DEPDC5: variants seen among roughly 807,000 people sequenced by gnomAD.
DEPDC5 encodes the protein DEP domain containing 5, GATOR1 subcomplex subunit, also known as GATOR1 complex protein DEPDC5.
A neutral mutation model predicts 217.3 loss-of-function variants in DEPDC5; 73 were observed. The observed-to-expected ratio is 0.34, with a 90% CI of 0.28 to 0.41. The LOEUF (loss-of-function observed/expected upper bound fraction) is 0.41. Among genes scored for constraint, DEPDC5 ranks in the 10% least tolerant of loss-of-function variants. The pLI is 1.00. For missense variants in DEPDC5, 1,675 were observed against 2,070.1 expected (o/e 0.81, Z 3.70); for synonymous variants, 733 against 756.7 (o/e 0.97, Z 0.51).
At chr22:31,779,882 G>A (rs922100647) in intron 8 of DEPDC5, among the ~76,000 whole-genome samples, 56 of 152,206 alleles carry the variant, frequency 3.7e-4, no homozygotes, top group South Asian at 1.9e-3. Context: ...GAGGAGAGAG[G>A]AAGGGAAGAG....
chr22:31,789,184 T>C (rs1183050969), intron 10 of DEPDC5, among the ~76,000 whole-genome samples: 1 of 152,250 alleles, frequency 6.6e-6, no homozygotes, highest in African/African-American at 2.4e-5. Context: ...GCCTAGCCCG[T>C]ATTCTTGACA....
At position 31,873,789 on chromosome 22, in the gene DEPDC5, C is replaced by CTT. The variant is rs796650383; in HGVS notation, c.3564-464_3564-463dup. Reference sequence around the variant, plus strand: ...TCCTTTTTCCCCATAACAACTTCTTCTTTTTTTTTTTTTTTTTTTTTGAGA... The same window carrying CTT: ...TCCTTTTTCCCCATAACAACTTCTTCTTTTTTTTTTTTTTTTTTTTTTTGAGA... On this transcript the variant is annotated intron_variant, in intron 35 of 42. Coordinates refer to ENST00000651528, the MANE Select transcript of DEPDC5 (RefSeq NM_001242896.3). 522 of 114,680 alleles carry CTT rather than the reference C, an allele frequency of 4.6e-3. 7 individuals carry two copies. The highest frequency in any genetic ancestry group is 6.5e-3 in the African/African-American group (195 of 29,976). 7.1% of individuals were successfully genotyped at this position (114,680 alleles called of 1,614,324 possible).
At position 31,893,536 on chromosome 22, in the gene DEPDC5, A is replaced by G; in HGVS notation, c.4034-46A>G. On this transcript the variant is annotated intron_variant, in intron 38 of 42. Transcript: ENST00000651528. ...TTAGTTATTTGTTCTTCTTCATCCC[A>G]CTCCTTTTCTCACTCTCTTGGGGCC... 2.7e-6 allele frequency: 4 copies of G among 1,461,196 alleles called. No homozygotes were observed. In the South Asian group the frequency reaches 4.4e-5, roughly 16 times the overall value. The allele number at this position is 1,461,196 out of a possible 1,614,324, so 90.5% of individuals were successfully genotyped here.
chr22:31,776,135 A>G (rs988470873), intron 7 of DEPDC5, among the ~76,000 whole-genome samples: 3 of 150,520 alleles, frequency 2.0e-5, no homozygotes, highest in South Asian at 2.1e-4. Flanking sequence ...GTTTTTTGCA[A>G]TAGTCTCACT....
Position 31,857,519 on chromosome 22 carries a change from C to A in DEPDC5, c.3230C>A (p.Ala1077Asp). The A allele has an allele frequency of 6.2e-7, 1 of 1,611,958 alleles. No homozygotes were observed. The highest frequency in any genetic ancestry group is 8.5e-7 in the Non-Finnish European group (1 of 1,179,150). Residue 1077 changes from alanine to aspartate, a missense_variant, in exon 32 of 43, where the codon GCC becomes GAC. Ala to Asp is a moderately radical substitution (Grantham distance 126, BLOSUM62 -2). Coordinates refer to ENST00000651528, the MANE Select transcript of DEPDC5 (RefSeq NM_001242896.3). Reference sequence around the variant, plus strand: ...CAGTCAGCCGAGAGCAGCAGCGTTGCCATGACTCCCACCTACATGGACAGC... The same window carrying A: ...CAGTCAGCCGAGAGCAGCAGCGTTGACATGACTCCCACCTACATGGACAGC... ...SAQSAESSSV[A>D]MTPTYMDSPR...
At chr22:31,799,799 CTTTTT>C (rs1158355451) in intron 14 of DEPDC5, among the ~76,000 whole-genome samples, 1 of 72,924 alleles carries the variant, frequency 1.4e-5, no homozygotes, top group African/African-American at 7.4e-5. Flanking sequence ...CATGCCCGGC[CTTTTT>C]TTTTTTTTTT....
chr22:31,762,816 T>C (rs1396386488), intron 4 of DEPDC5, among the ~76,000 whole-genome samples: 1 of 151,978 alleles, frequency 6.6e-6, no homozygotes, highest in East Asian at 1.9e-4. Flanking sequence ...ACTCTTTCTT[T>C]TTTTTTAAAG....
intron 25 of DEPDC5, among the ~76,000 whole-genome samples, chr22:31,835,253 T>C (rs1184067741): frequency 6.6e-6 from 1 of 152,226 alleles, no homozygotes; most frequent in African/African-American, 2.4e-5. Flanking sequence ...TCCAGAAAGC[T>C]ACCAGCAGTG....
intron 33 of DEPDC5, among the ~76,000 whole-genome samples, chr22:31,861,976 C>T (rs1444082998): frequency 6.6e-6 from 1 of 152,212 alleles, no homozygotes; most frequent in Non-Finnish European, 1.5e-5. Context: ...CGGTGGCTCA[C>T]GCCTGTAATC....
chr22:31,791,169 TC>T (rs1406318188), intron 10 of DEPDC5, among the ~76,000 whole-genome samples: 1 of 152,148 alleles, frequency 6.6e-6, no homozygotes, highest in African/African-American at 2.4e-5. Context: ...AGTTTTCCAA[TC>T]ACTTTCCACA....
At chr22:31,851,066 CA>C (rs136861) in intron 31 of DEPDC5, among the ~76,000 whole-genome samples, 75,311 of 115,318 alleles carry the variant, frequency 0.65, 22,425 homozygotes, top group East Asian at 0.75. Flanking sequence ...GACTCCGTCT[CA>C]AAAAAAAAAA....
At chr22:31,833,876 T>C (rs765651484) in intron 24 of DEPDC5, 39 bp from the exon 25 acceptor site, 59 of 1,478,144 alleles carry the variant, frequency 4.0e-5, no homozygotes, top group Middle Eastern at 3.6e-4. Flanking sequence ...TTTTGCAGAG[T>C]GAGCCTTCTT....
chr22:31,890,547 T>C (rs1163290552), intron 38 of DEPDC5: 2 of 151,324 alleles, frequency 1.3e-5, no homozygotes, highest in African/African-American at 4.8e-5. Context: ...CCAACTCTAT[T>C]AAAATACAAA....
intron 16 of DEPDC5, 89 bp downstream of exon 16, chr22:31,804,312 G>C: frequency 7.8e-7 from 1 of 1,286,896 alleles, no homozygotes; most frequent in Non-Finnish European, 1.1e-6. Context: ...TGCACTTATA[G>C]TCCCACTTAC....
chr22:31,804,000 T>C (rs758878144), intron 15 of DEPDC5, 162 bp from the exon 16 acceptor site: 22 of 627,690 alleles, frequency 3.5e-5, no homozygotes, highest in Middle Eastern at 4.0e-4. Flanking sequence ...ACAAAATGAA[T>C]GTATTTACTT....
At chr22:31,779,482 A>AG (rs2084205821) in intron 8 of DEPDC5, among the ~76,000 whole-genome samples, 1 of 152,198 alleles carries the variant, frequency 6.6e-6, no homozygotes, top group African/African-American at 2.4e-5. Context: ...GCAGACAGGT[A>AG]GGGAGAATGA....
At chr22:31,876,051 G>T (rs960219721) in intron 36 of DEPDC5, 106 bp from the exon 37 acceptor site, 7 of 852,226 alleles carry the variant, frequency 8.2e-6, no homozygotes, top group African/African-American at 1.7e-5. Context: ...GGAGGGTAGG[G>T]TCTCCTCAGT....
chr22:31,880,898 C>T (rs999959533), intron 38 of DEPDC5, among the ~76,000 whole-genome samples: 7 of 152,084 alleles, frequency 4.6e-5, no homozygotes, highest in African/African-American at 1.7e-4. Flanking sequence ...ACAGTGTGCA[C>T]CAGGTACTCG....
At chr22:31,859,076 T>TG (rs2092410067) in intron 32 of DEPDC5, 1 of 122,996 alleles carries the variant, frequency 8.1e-6, no homozygotes, top group African/African-American at 3.1e-5. Context: ...AAACCATTCC[T>TG]TTGTTTTTTT....
Sources: gnomAD v4.1 joint callset for allele counts (sites outside exome capture counted in the v4.1 genomes callset) on GRCh38, gnomAD v4.1.1 for gene constraint, MANE v1.5 for transcripts, NCBI Gene and HGNC (gene_info 2026-07-23, HGNC 2026-07-21) for gene names.